CLNK: variants seen among roughly 807,000 people sequenced by gnomAD.
CLNK encodes cytokine dependent hematopoietic cell linker.
CLNK carries 74 observed loss-of-function variants against 68.6 expected under a neutral mutation model. The ratio of observed to expected loss-of-function variants is 1.08; its 90% confidence interval spans 0.89 to 1.31. The LOEUF is 1.31. CLNK is among the 50% of genes most tolerant of loss of function. The pLI is 0.00. For synonymous variants in CLNK, 198 were observed against 172.2 expected, an observed-to-expected ratio of 1.15 and a Z score of -1.17; for missense variants, 553 against 515.3, an observed-to-expected ratio of 1.07 and a Z score of -0.71.
chr4:10,547,571 T>A (rs905128139), intron 8 of CLNK, among the ~76,000 whole-genome samples: 2 of 152,168 alleles, frequency 1.3e-5, no homozygotes, highest in African/African-American at 4.8e-5. Flanking sequence ...AGGCACTATG[T>A]GGTAGAGTGG....
At position 10,580,975 on chromosome 4, in the gene CLNK, A is replaced by G. The variant is rs546279801; in HGVS notation, c.112+3952T>C. Among the ~76,000 whole-genome samples, 3 of 152,368 alleles carry G rather than the reference A, an allele frequency of 2.0e-5. No individual in the cohort carries two copies. In the East Asian group the frequency reaches 5.8e-4, roughly 29 times the overall value. On this transcript the variant is annotated intron_variant, in intron 4 of 18. Transcript: ENST00000226951. The stretch of plus-strand genomic sequence containing the variant: ...CGTTAACTCATTCAGAGAAATTTCC[A>G]GTCCGCAAGCTCCCTTTATGGTAAG...
At chr4:10,728,570 G>A in the CLNK span, among the ~76,000 whole-genome samples, 36 of 149,360 alleles carry the variant, frequency 2.4e-4, no homozygotes, top group Non-Finnish European at 4.3e-4. Context: ...TGATCTGTGT[G>A]TGATGTATCC....
intron 8 of CLNK, among the ~76,000 whole-genome samples, chr4:10,545,166 C>T (rs1474864591): frequency 2.6e-5 from 4 of 152,088 alleles, no homozygotes; most frequent in Non-Finnish European, 5.9e-5. Context: ...CCTTGTAGCC[C>T]CAAATTCTTA....
At chr4:10,571,708 G>A (rs141173244) in intron 5 of CLNK, 33 bp downstream of exon 5, 15 of 1,561,432 alleles carry the variant, frequency 9.6e-6, no homozygotes, top group African/African-American at 4.1e-5. Flanking sequence ...TATTAAAGAC[G>A]TATAAAATAG....
chr4:10,583,746 T>C (rs1720872602), intron 4 of CLNK, among the ~76,000 whole-genome samples: 2 of 152,348 alleles, frequency 1.3e-5, no homozygotes, highest in Admixed American at 6.5e-5. Context: ...CTGGTGTCTC[T>C]AGATTGCTGT....
At chr4:10,715,279 A>G in the CLNK span, among the ~76,000 whole-genome samples, 42 of 152,172 alleles carry the variant, frequency 2.8e-4, no homozygotes, top group East Asian at 8.1e-3. Flanking sequence ...TTTGAGAAAC[A>G]CCTTATTATG....
At chr4:10,724,261 G>T in the CLNK span, among the ~76,000 whole-genome samples, 6 of 151,960 alleles carry the variant, frequency 3.9e-5, no homozygotes, top group Non-Finnish European at 7.4e-5. Context: ...CTTTCTGCTG[G>T]ATACCTGCAT....
the CLNK span, among the ~76,000 whole-genome samples, chr4:10,703,470 T>G: frequency 1.7e-4 from 26 of 152,232 alleles, no homozygotes; most frequent in African/African-American, 6.3e-4. Context: ...CCTGGGTTTC[T>G]TGTCTCAAAG....
intron 8 of CLNK, among the ~76,000 whole-genome samples, chr4:10,545,534 C>T (rs1719192877): frequency 6.6e-6 from 1 of 152,114 alleles, no homozygotes; most frequent in African/African-American, 2.4e-5. Context: ...CAATGCACAC[C>T]AGTAGCTGTA....
chr4:10,657,029 C>T (rs977080144), intron 2 of CLNK, among the ~76,000 whole-genome samples: 8 of 152,240 alleles, frequency 5.3e-5, no homozygotes, highest in Middle Eastern at 3.4e-3. Flanking sequence ...TACAAATTAG[C>T]TCATTTAATT....
chr4:10,616,790 G>GTGTGTATATATA (rs1369047138), intron 2 of CLNK, among the ~76,000 whole-genome samples: 161 of 64,260 alleles, frequency 2.5e-3, no homozygotes, highest in African/African-American at 6.4e-3. Flanking sequence ...GTGTGTGTGT[G>GTGTGTATATATA]TATATATATA....
chr4:10,542,344 A>G (rs754039718), intron 8 of CLNK, 64 bp from the exon 9 acceptor site: 8 of 1,039,134 alleles, frequency 7.7e-6, no homozygotes, highest in Non-Finnish European at 1.0e-5. Flanking sequence ...GATTTTATAC[A>G]CGCTTACATG....
chr4:10,501,979 TG>T (rs1717073036), intron 17 of CLNK, among the ~76,000 whole-genome samples: 1 of 152,204 alleles, frequency 6.6e-6, no homozygotes, highest in African/African-American at 2.4e-5. Context: ...CCTACTGACC[TG>T]GGCATAGTGC....
the CLNK span, among the ~76,000 whole-genome samples, chr4:10,707,501 G>C: frequency 6.6e-6 from 1 of 152,192 alleles, no homozygotes; most frequent in Non-Finnish European, 1.5e-5. Context: ...CCTACCACTT[G>C]TGGGTATTCC....
the CLNK span, among the ~76,000 whole-genome samples, chr4:10,705,607 T>A: frequency 1.2e-4 from 19 of 152,326 alleles, no homozygotes; most frequent in Non-Finnish European, 2.5e-4. Context: ...TCATGTTGTA[T>A]CACTCTCACC....
the CLNK span, among the ~76,000 whole-genome samples, chr4:10,698,702 A>G: frequency 1.3e-5 from 2 of 152,184 alleles, no homozygotes; most frequent in Non-Finnish European, 2.9e-5. Context: ...GCTCTTGTGA[A>G]CCCTAATTGC....
rs560010074 is a variant in CLNK at position 10,515,417 on chromosome 4, T to C, written c.773-1820A>G. Among the ~76,000 whole-genome samples, 5 of 152,306 alleles carry C rather than the reference T, an allele frequency of 3.3e-5. No individual in the cohort carries two copies. In the South Asian group the frequency reaches 1.0e-3, roughly 32 times the overall value. ...TGAACTCTGTTCCTTTTCTTAAACA[T>C]GACAAGTTCATTCTCTACTTTGGAA... On this transcript the variant is annotated intron_variant, in intron 15 of 18. Coordinates refer to ENST00000226951, the MANE Select transcript of CLNK (RefSeq NM_052964.4).
chr4:10,648,059 G>A (rs552974179), intron 2 of CLNK, among the ~76,000 whole-genome samples: 17 of 152,242 alleles, frequency 1.1e-4, no homozygotes, highest in African/African-American at 4.1e-4. Context: ...AGAAAAAATT[G>A]GAATCATGCC....
intron 14 of CLNK, among the ~76,000 whole-genome samples, chr4:10,523,179 G>A (rs776070689): frequency 6.6e-6 from 1 of 152,244 alleles, no homozygotes; most frequent in African/African-American, 2.4e-5. Context: ...GGGATAGGAA[G>A]AGTGACGATG....
Sources: gnomAD v4.1 joint callset for allele counts (sites outside exome capture counted in the v4.1 genomes callset) on GRCh38, gnomAD v4.1.1 for gene constraint, MANE v1.5 for transcripts, NCBI Gene and HGNC (gene_info 2026-07-23, HGNC 2026-07-21) for gene names.